Variants in LRRC17 observed in about 807,000 individuals in gnomAD.
LRRC17 encodes leucine rich repeat containing 17.
LRRC17 carries 33 observed loss-of-function variants against 41.5 expected under a neutral mutation model. The ratio of observed to expected loss-of-function variants is 0.80; its 90% CI spans 0.60 to 1.06. The LOEUF (loss-of-function observed/expected upper bound fraction) is 1.06, where lower values mean the gene tolerates loss of function less well. Ranked by LOEUF, LRRC17 falls within the 50% of genes least tolerant of loss-of-function variation. The pLI is 0.00. For missense variants in LRRC17, 491 were observed against 519.3 expected (o/e 0.95, Z 0.53); for synonymous variants, 192 against 197.0 (o/e 0.97, Z 0.21).
chr7:102,914,104 C>A (rs2129469222), intron 1 of LRRC17, among the ~76,000 whole-genome samples: 1 of 152,288 alleles, frequency 6.6e-6, no homozygotes, highest in Admixed American at 6.5e-5. Context: ...TCTTGTTGCC[C>A]AGCTGGAGTA....
chr7:102,944,757 A>G lies in LRRC17; in HGVS notation c.*150A>G. 4.4e-6 allele frequency: 3 copies of G among 678,312 alleles called. No individual in the cohort carries two copies. Among genetic ancestry groups the G allele is most frequent in the Non-Finnish European group, 7.1e-6 (3 of 423,138 alleles). 42.0% of individuals were successfully genotyped at this position (678,312 alleles called of 1,614,324 possible). On this transcript the variant is annotated 3_prime_UTR_variant, in exon 4 of 4. Coordinates refer to ENST00000339431, the MANE Select transcript of LRRC17 (RefSeq NM_001031692.3). ...TTTAATTATAAGTATTATTGTGACT[A>G]TTATAGTAATCAAGAGAATGCTATC...
At position 102,913,247 on chromosome 7, in the gene LRRC17, T is replaced by C. The variant is rs1563081232; in HGVS notation, c.-141+102T>C. On this transcript the variant is annotated intron_variant, in intron 1 of 3. Coordinates refer to ENST00000339431, the MANE Select transcript of LRRC17 (RefSeq NM_001031692.3). ...AGACAAAAGAGAGGAAGGAAAGTAT[T>C]ATACTTCCGTTGTTCTCTCAAATCT... is the stretch of plus-strand genomic sequence containing the variant. 6 of 1,612,986 alleles carry C rather than the reference T, an allele frequency of 3.7e-6. No individual in the cohort carries two copies. The South Asian group carries it at 6.6e-5, about 18-fold the overall frequency.
chr7:102,923,385 C>T (rs992373934), intron 1 of LRRC17, among the ~76,000 whole-genome samples: 5 of 152,086 alleles, frequency 3.3e-5, no homozygotes, highest in Non-Finnish European at 7.3e-5. Flanking sequence ...AATGAGAGGT[C>T]ACCAAACACA....
At chr7:102,937,809 A>G (rs1820620427) in intron 2 of LRRC17, among the ~76,000 whole-genome samples, 1 of 152,232 alleles carries the variant, frequency 6.6e-6, no homozygotes, top group African/African-American at 2.4e-5. Flanking sequence ...GTTAAAAATC[A>G]TGGCTAGAAT....
intron 1 of LRRC17, among the ~76,000 whole-genome samples, chr7:102,927,861 A>G (rs1818430763): frequency 6.6e-6 from 1 of 152,264 alleles, no homozygotes; most frequent in Non-Finnish European, 1.5e-5. Flanking sequence ...CTGTATTTCA[A>G]CACAATGAAA....
Position 102,944,137 on chromosome 7 carries a change from A to G in LRRC17, c.929-73A>G, listed in dbSNP as rs1418078463. 5 of 1,173,292 alleles carry G rather than the reference A, an allele frequency of 4.3e-6. No individual in the cohort carries two copies. In the East Asian group the frequency reaches 1.3e-4, roughly 30 times the overall value. The allele number at this position is 1,173,292 out of a possible 1,614,324, so 72.7% of individuals were successfully genotyped here. Reference sequence around the variant, plus strand: ...AATTAAGCCTCTTTTTAAAATTTGTATTTGTCCTTTCCATATGCCATACAC... The same window carrying G: ...AATTAAGCCTCTTTTTAAAATTTGTGTTTGTCCTTTCCATATGCCATACAC... On this transcript the variant is annotated intron_variant, in intron 3 of 3. Transcript: ENST00000339431.
chr7:102,944,321 T>C lies in LRRC17; in HGVS notation c.1040T>C (p.Leu347Pro). The change falls in exon 4 of 4, where the codon CTC becomes CCC. Residue 347 changes from leucine (L) to proline (P), a missense_variant. Physicochemically the swap from Leu to Pro is moderately conservative, Grantham distance 98 (BLOSUM62 -3). Coordinates refer to ENST00000339431, the MANE Select transcript of LRRC17 (RefSeq NM_001031692.3). The stretch of plus-strand genomic sequence containing the variant: ...TTGTATTTTTTGAAACTCTTGTGGC[T>C]CAGAGATAACCCTTGGAGATGTGAC... The part of the protein sequence containing the change: ...EDLYFLKLLW[L>P]RDNPWRCDYN... The C allele has an allele frequency of 6.2e-7, 1 of 1,614,094 alleles. No individual in the cohort carries two copies. The highest frequency in any genetic ancestry group is 8.5e-7 in the Non-Finnish European group (1 of 1,179,976).
chr7:102,925,940 C>CA (rs66682276), intron 1 of LRRC17, among the ~76,000 whole-genome samples: 6,585 of 100,906 alleles, frequency 0.065, 247 homozygotes, highest in South Asian at 0.15. Flanking sequence ...GACTCTGTCT[C>CA]AAAAAAAAAA....
intron 1 of LRRC17, among the ~76,000 whole-genome samples, chr7:102,924,949 T>C (rs570182312): frequency 6.6e-6 from 1 of 152,170 alleles, no homozygotes; most frequent in Non-Finnish European, 1.5e-5. Context: ...TTTCTAAATG[T>C]CTCATCACCG....
In LRRC17 at chr7:102,944,332, C is replaced by A; in HGVS notation, c.1051C>A (p.Pro351Thr). 1 of 1,613,980 alleles carries A rather than the reference C, an allele frequency of 6.2e-7. No homozygotes were observed. Among genetic ancestry groups the A allele is most frequent in the Non-Finnish European group, 8.5e-7 (1 of 1,179,954 alleles). ...FLKLLWLRDN[P>T]WRCDYNIHYL... ...GAAACTCTTGTGGCTCAGAGATAAC[C>A]CTTGGAGATGTGACTACAACATTCA... The change falls in exon 4 of 4, where the codon CCT becomes ACT. Residue 351 changes from proline to threonine, a missense_variant. Physicochemically the swap from Pro to Thr is conservative, Grantham distance 38. Coordinates refer to ENST00000339431, the MANE Select transcript of LRRC17 (RefSeq NM_001031692.3).
At position 102,934,150 on chromosome 7, in the gene LRRC17, G is replaced by T. The variant is rs1031464514; in HGVS notation, c.237G>T (p.Trp79Cys). The T allele has an allele frequency of 3.7e-6, 6 of 1,614,062 alleles. No homozygotes were observed. The African/African-American group carries it at 8.0e-5, about 22-fold the overall frequency. The change falls in exon 2 of 4, where the codon TGG becomes TGT. Residue 79 changes from tryptophan to cysteine, a missense_variant. Transcript: ENST00000339431. Reference protein sequence around the residue: ...ERKLVYVLPGWPQDLLHMLLA... With the variant: ...ERKLVYVLPGCPQDLLHMLLA... The stretch of plus-strand genomic sequence containing the variant: ...AATTAGTTTATGTGCTGCCTGGTTG[G>T]CCTCAGGATTTGCTGCACATGCTGC...
intron 1 of LRRC17, among the ~76,000 whole-genome samples, chr7:102,913,594 G>T (rs1322535817): frequency 6.6e-6 from 1 of 152,104 alleles, no homozygotes; most frequent in Non-Finnish European, 1.5e-5. Flanking sequence ...TTTATCTCTG[G>T]AGTACCAAAA....
intron 1 of LRRC17, among the ~76,000 whole-genome samples, chr7:102,921,999 T>G (rs1584949172): frequency 6.6e-6 from 1 of 152,140 alleles, no homozygotes; most frequent in East Asian, 1.9e-4. Flanking sequence ...GAGACCAGCC[T>G]GGCTAACATG....
chr7:102,918,658 A>G (rs1010064418), intron 1 of LRRC17, among the ~76,000 whole-genome samples: 5 of 152,036 alleles, frequency 3.3e-5, no homozygotes, highest in Non-Finnish European at 5.9e-5. Flanking sequence ...TCTACAAAAG[A>G]TTTTTCAAAT....
At chr7:102,936,156 G>A (rs1820271765) in intron 2 of LRRC17, 2 of 151,804 alleles carry the variant, frequency 1.3e-5, no homozygotes, top group Non-Finnish European at 2.9e-5. Context: ...CAGTGCCATA[G>A]GAAAGCAGTT....
At chr7:102,940,531 G>C (rs1264153260) in intron 3 of LRRC17, among the ~76,000 whole-genome samples, 2 of 152,116 alleles carry the variant, frequency 1.3e-5, no homozygotes, top group African/African-American at 4.8e-5. Context: ...ATTTTTAAAG[G>C]GAAATTCAAA....
intron 2 of LRRC17, chr7:102,936,434 G>A (rs1820326680): frequency 6.6e-6 from 1 of 152,198 alleles, no homozygotes; most frequent in South Asian, 2.1e-4. Context: ...CAAACAATCA[G>A]CTGTCTCAGC....
At chr7:102,938,340 T>C (rs1054688517) in intron 2 of LRRC17, among the ~76,000 whole-genome samples, 3 of 152,204 alleles carry the variant, frequency 2.0e-5, no homozygotes, top group African/African-American at 7.2e-5. Context: ...GCTTGAACAA[T>C]AGTTAAGAAT....
In LRRC17 at chr7:102,939,466, T is replaced by G; in HGVS notation, c.809T>G (p.Ile270Ser). ...GTGCCAAACAACATCCCTCCAGATATTGTTAAACTTGACTTGTCATACAAT... is the reference window on the plus strand; with the variant it reads ...GTGCCAAACAACATCCCTCCAGATAGTGTTAAACTTGACTTGTCATACAAT... ...KKVPNNIPPD[I>S]VKLDLSYNKI... The change falls in exon 3 of 4, where the codon ATT (isoleucine) becomes AGT (serine). Residue 270 changes from isoleucine (I) to serine (S), a missense_variant. By Grantham distance (142) the Ile-to-Ser change is moderately radical (BLOSUM62 -2). Transcript: ENST00000339431. The G allele has an allele frequency of 6.2e-7, 1 of 1,613,550 alleles. No homozygotes were observed. Among genetic ancestry groups the G allele is most frequent in the Non-Finnish European group, 8.5e-7 (1 of 1,179,826 alleles).
Sources: gnomAD v4.1 joint callset for allele counts (sites outside exome capture counted in the v4.1 genomes callset) on GRCh38, gnomAD v4.1.1 for gene constraint, MANE v1.5 for transcripts, NCBI Gene and HGNC (gene_info 2026-07-23, HGNC 2026-07-21) for gene names.